The following GALNT17 variants were observed in gnomAD, a reference collection of about 807,000 sequenced individuals.
GALNT17 encodes the protein polypeptide N-acetylgalactosaminyltransferase 17.
GALNT17 carries 29 observed loss-of-function variants against 63.7 expected under a neutral mutation model. The ratio of observed to expected loss-of-function variants is 0.46; its 90% CI spans 0.34 to 0.62. The LOEUF is 0.62. Ranked by LOEUF, GALNT17 falls within the 20% of genes least tolerant of loss-of-function variation. GALNT17 has a pLI of 0.01. For synonymous variants in GALNT17, 305 were observed against 318.3 expected (o/e 0.96, Z 0.45); for missense variants, 603 against 799.6 (o/e 0.75, Z 2.97).
At chr7:71,340,175 CA>C (rs1221678186) in intron 2 of GALNT17, among the ~76,000 whole-genome samples, 2 of 152,156 alleles carry the variant, frequency 1.3e-5, no homozygotes, top group African/African-American at 4.8e-5. Context: ...CAGATTTGAA[CA>C]GAAGGGATGG....
At chr7:71,547,023 A>G (rs1166160573) in intron 5 of GALNT17, among the ~76,000 whole-genome samples, 1 of 151,320 alleles carries the variant, frequency 6.6e-6, no homozygotes, top group East Asian at 1.9e-4. Context: ...ACAGAGTCTC[A>G]CTCTGTCGCC....
At chr7:71,177,811 A>C (rs1000664388) in intron 1 of GALNT17, among the ~76,000 whole-genome samples, 1 of 152,172 alleles carries the variant, frequency 6.6e-6, no homozygotes, top group Admixed American at 6.5e-5. Context: ...TGCATATATG[A>C]AGACATTTAC....
intron 1 of GALNT17, among the ~76,000 whole-genome samples, chr7:71,324,678 A>G (rs1791673829): frequency 1.3e-5 from 2 of 152,202 alleles, no homozygotes; most frequent in East Asian, 3.9e-4. Flanking sequence ...GTTAGCACCA[A>G]GAGTCATTTG....
At position 71,176,677 on chromosome 7, in the gene GALNT17, T is replaced by C. The variant is rs530504288; in HGVS notation, c.238+43637T>C. On this transcript the variant is annotated intron_variant, in intron 1 of 10. Transcript: ENST00000333538. ...TTGGACAACTTTGAGCCGAATAGGGTTTGCTAGCCTCCCTGGGTCCCTATA... is the reference window on the plus strand; with the variant it reads ...TTGGACAACTTTGAGCCGAATAGGGCTTGCTAGCCTCCCTGGGTCCCTATA... 4.6e-5 allele frequency among the ~76,000 whole-genome samples: 7 copies of C among 152,138 alleles called. No individual in the cohort carries two copies. The South Asian group carries it at 6.2e-4, about 14-fold the overall frequency.
intron 1 of GALNT17, among the ~76,000 whole-genome samples, chr7:71,290,652 G>A (rs1425216134): frequency 3.3e-5 from 5 of 152,100 alleles, no homozygotes; most frequent in African/African-American, 7.2e-5. Flanking sequence ...TGACAATTTC[G>A]ACAAAAGCAT....
At chr7:71,621,244 C>G (rs1304837158) in intron 6 of GALNT17, among the ~76,000 whole-genome samples, 2 of 151,852 alleles carry the variant, frequency 1.3e-5, no homozygotes, top group African/African-American at 4.8e-5. Context: ...ACATCATGCT[C>G]TGTGGCCTCC....
Position 71,180,214 on chromosome 7 carries a change from C to A in GALNT17, c.238+47174C>A, listed in dbSNP as rs151041525. Among the ~76,000 whole-genome samples the A allele has an allele frequency of 4.9e-3, 752 of 152,092 alleles. 8 individuals are homozygous for A. Among genetic ancestry groups the A allele is most frequent in the African/African-American group, 0.017 (708 of 41,464 alleles). Reference sequence around the variant, plus strand: ...GATCTCAGCTCAGTGCAACCTCTGCCTCCCGGGTTCAGTCGATTCTCCTGC... The same window carrying A: ...GATCTCAGCTCAGTGCAACCTCTGCATCCCGGGTTCAGTCGATTCTCCTGC... On this transcript the variant is annotated intron_variant, in intron 1 of 10. Coordinates refer to ENST00000333538, the MANE Select transcript of GALNT17 (RefSeq NM_022479.3).
intron 2 of GALNT17, among the ~76,000 whole-genome samples, chr7:71,371,844 C>T (rs1792629218): frequency 6.6e-6 from 1 of 152,182 alleles, no homozygotes; most frequent in African/African-American, 2.4e-5. Context: ...ATGATTCTCT[C>T]CTTGCTTTTG....
At chr7:71,705,689 A>G (rs1791713620) in intron 9 of GALNT17, among the ~76,000 whole-genome samples, 1 of 152,186 alleles carries the variant, frequency 6.6e-6, no homozygotes, top group South Asian at 2.1e-4. Flanking sequence ...GAAGAGACAC[A>G]TTAAAGCAGC....
At chr7:71,369,405 A>G (rs1052619342) in intron 2 of GALNT17, among the ~76,000 whole-genome samples, 18 of 152,322 alleles carry the variant, frequency 1.2e-4, no homozygotes, top group African/African-American at 4.1e-4. Context: ...AGCTTCCTCA[A>G]TAGCCCAAAG....
At chr7:71,201,452 G>T (rs1055512324) in intron 1 of GALNT17, among the ~76,000 whole-genome samples, 1 of 151,638 alleles carries the variant, frequency 6.6e-6, no homozygotes, top group South Asian at 2.1e-4. Context: ...ACTCTTACAC[G>T]GGAGGACAAT....
At chr7:71,534,598 C>CAA (rs371592743) in intron 5 of GALNT17, among the ~76,000 whole-genome samples, 1,275 of 108,228 alleles carry the variant, frequency 0.012, 31 homozygotes, top group East Asian at 0.09. Context: ...GACTCCATCT[C>CAA]AAAAAAAAAA....
intron 1 of GALNT17, among the ~76,000 whole-genome samples, chr7:71,139,547 A>G (rs1248053452): frequency 6.6e-6 from 1 of 152,166 alleles, no homozygotes; most frequent in African/African-American, 2.4e-5. Context: ...AGGCACTTGA[A>G]GTTGGAGTCT....
intron 1 of GALNT17, among the ~76,000 whole-genome samples, chr7:71,183,599 G>A (rs1788775357): frequency 6.6e-6 from 1 of 152,110 alleles, no homozygotes; most frequent in South Asian, 2.1e-4. Context: ...GAAATCCAGT[G>A]TCTGTTCCCT....
intron 5 of GALNT17, among the ~76,000 whole-genome samples, chr7:71,546,272 C>T (rs908980924): frequency 2.0e-5 from 3 of 151,896 alleles, no homozygotes; most frequent in African/African-American, 4.8e-5. Flanking sequence ...GCAATGCTCC[C>T]ATCTCAGCCT....
intron 6 of GALNT17, among the ~76,000 whole-genome samples, chr7:71,582,632 G>A (rs1236074205): frequency 4.0e-5 from 6 of 151,898 alleles, no homozygotes; most frequent in African/African-American, 1.2e-4. Flanking sequence ...AATACTACTC[G>A]GCCATAAAAA....
chr7:71,200,734 A>G (rs925277961), intron 1 of GALNT17, among the ~76,000 whole-genome samples: 1 of 152,116 alleles, frequency 6.6e-6, no homozygotes, highest in African/African-American at 2.4e-5. Context: ...CATAGCTATG[A>G]TAACTCTATA....
intron 5 of GALNT17, among the ~76,000 whole-genome samples, chr7:71,440,605 C>G (rs1296415210): frequency 6.6e-6 from 1 of 152,104 alleles, no homozygotes; most frequent in Non-Finnish European, 1.5e-5. Flanking sequence ...AACTCCCGAC[C>G]TCAGGTAATC....
chr7:71,366,504 C>T, intron 2 of GALNT17, among the ~76,000 whole-genome samples: 1 of 152,158 alleles, frequency 6.6e-6, no homozygotes, highest in Admixed American at 6.6e-5. Flanking sequence ...TTGCTTGAAC[C>T]TGGGAAGCGG....
Sources: allele counts gnomAD v4.1 joint callset (sites outside exome capture counted in the v4.1 genomes callset), GRCh38; gene constraint gnomAD v4.1.1; transcripts MANE v1.5; gene names NCBI Gene and HGNC (gene_info 2026-07-23, HGNC 2026-07-21).